The following NKAIN3 variants were observed in gnomAD, a reference collection of about 807,000 sequenced individuals.
The protein encoded by NKAIN3 is sodium/potassium-transporting ATPase subunit beta-1-interacting protein 3.
Under a neutral mutation model 30.2 loss-of-function variants are expected in NKAIN3, and 25 were observed. That is an observed-to-expected ratio of 0.83 (90% CI 0.60 to 1.16). NKAIN3 has a LOEUF of 1.16. Ranked by LOEUF, NKAIN3 falls within the 50% of genes most tolerant of loss-of-function variation. The probability of loss-of-function intolerance (pLI) is 0.00; values close to 1 mark genes in which losing one functional copy is unlikely to be tolerated. For synonymous variants in NKAIN3, 91 were observed against 89.6 expected (o/e 1.02, Z -0.09); for missense variants, 225 against 254.1 (o/e 0.89, Z 0.78).
At chr8:62,684,498 A>T (rs1381410511) in intron 3 of NKAIN3, among the ~76,000 whole-genome samples, 5 of 152,138 alleles carry the variant, frequency 3.3e-5, no homozygotes, top group African/African-American at 9.7e-5. Flanking sequence ...GACGAGAAGG[A>T]TGTAAAGCCA....
intron 1 of NKAIN3, among the ~76,000 whole-genome samples, chr8:62,294,921 A>G (rs1398727573): frequency 6.6e-6 from 1 of 152,156 alleles, no homozygotes; most frequent in Non-Finnish European, 1.5e-5. Context: ...TATCCTTTCC[A>G]GAAACATACA....
intron 4 of NKAIN3, among the ~76,000 whole-genome samples, chr8:62,781,255 TA>T (rs1817345159): frequency 6.6e-6 from 1 of 151,728 alleles, no homozygotes; most frequent in Non-Finnish European, 1.5e-5. Flanking sequence ...AGAAAAACTA[TA>T]AAACACTGAT....
chr8:62,483,097 G>A (rs760556846), intron 1 of NKAIN3: 1 of 152,164 alleles, frequency 6.6e-6, no homozygotes, highest in Non-Finnish European at 1.5e-5. Flanking sequence ...ATAAATTTGG[G>A]CAAGAAAAGA....
At chr8:62,607,901 C>T (rs545568587) in intron 3 of NKAIN3, among the ~76,000 whole-genome samples, 2 of 152,174 alleles carry the variant, frequency 1.3e-5, no homozygotes, top group South Asian at 4.1e-4. Flanking sequence ...GAAATGTATT[C>T]TCAATATTTA....
chr8:62,360,870 G>A (rs1036317388), intron 1 of NKAIN3, among the ~76,000 whole-genome samples: 2 of 152,114 alleles, frequency 1.3e-5, no homozygotes, highest in African/African-American at 4.8e-5. Flanking sequence ...TTCCCATTAT[G>A]TAATGACCTT....
In NKAIN3 at chr8:62,332,938, G is replaced by A. The variant is rs138890316; in HGVS notation, c.54+83811G>A. Among the ~76,000 whole-genome samples, 1,095 of 152,152 alleles carry A rather than the reference G, an allele frequency of 7.2e-3. 24 individuals are homozygous for A. Among genetic ancestry groups the A allele is most frequent in the African/African-American group, 0.025 (1,052 of 41,544 alleles). ...CTACTTGGGAGAATGAGGTTGCGGC[G>A]ACAGTGAGTTGTGTTTGTGCCACTG... On this transcript the variant is annotated intron_variant, in intron 1 of 6. Transcript: ENST00000623646.
intron 1 of NKAIN3, among the ~76,000 whole-genome samples, chr8:62,319,478 A>T (rs1392461412): frequency 6.6e-6 from 1 of 151,518 alleles, no homozygotes; most frequent in East Asian, 2.0e-4. Context: ...TAGTGCTATA[A>T]ATTTCCCTCT....
chr8:62,620,522 G>A (rs1009481149), intron 3 of NKAIN3, among the ~76,000 whole-genome samples: 4 of 152,030 alleles, frequency 2.6e-5, no homozygotes, highest in Non-Finnish European at 5.9e-5. Context: ...AGATGCAGGG[G>A]TAATTTCAAA....
chr8:62,799,429 C>G (rs538589460), intron 4 of NKAIN3, among the ~76,000 whole-genome samples: 1 of 152,094 alleles, frequency 6.6e-6, no homozygotes, highest in Admixed American at 6.6e-5. Context: ...AAATAGCCAA[C>G]AAGCATACGG....
intron 1 of NKAIN3, among the ~76,000 whole-genome samples, chr8:62,538,964 G>T (rs1378767889): frequency 1.3e-5 from 2 of 151,968 alleles, no homozygotes; most frequent in African/African-American, 4.8e-5. Flanking sequence ...TTGCCTGTTT[G>T]TTTATCTGCT....
intron 3 of NKAIN3, among the ~76,000 whole-genome samples, chr8:62,692,253 T>C (rs1814005242): frequency 6.6e-6 from 1 of 152,200 alleles, no homozygotes; most frequent in African/African-American, 2.4e-5. Context: ...TCTTCAAAGT[T>C]GTATTGTAAA....
rs577344468 is a variant in NKAIN3, at chr8:62,594,135, C to CA, written c.273+4349dup. 2.7e-3 allele frequency among the ~76,000 whole-genome samples: 401 copies of CA among 151,132 alleles called. 3 individuals are homozygous for CA. The highest frequency in any genetic ancestry group is 8.6e-3 in the African/African-American group (356 of 41,258). On this transcript the variant is annotated intron_variant, in intron 3 of 6. Coordinates refer to ENST00000623646, the MANE Select transcript of NKAIN3 (RefSeq NM_001304533.3). ...CCCTGCTTGGAGTTTTGCAGGACTTCAAAAAAAAGGTCAGGGTGGAGGTCC... is the reference window on the plus strand; with the variant it reads ...CCCTGCTTGGAGTTTTGCAGGACTTCAAAAAAAAAGGTCAGGGTGGAGGTCC...
chr8:62,678,163 G>A (rs1009166713), intron 3 of NKAIN3, among the ~76,000 whole-genome samples: 11 of 152,112 alleles, frequency 7.2e-5, no homozygotes, highest in Admixed American at 2.0e-4. Context: ...CCTAAAATAG[G>A]CAGATAGTGG....
At chr8:62,417,813 C>T (rs1804497965) in intron 1 of NKAIN3, among the ~76,000 whole-genome samples, 1 of 151,804 alleles carries the variant, frequency 6.6e-6, no homozygotes, top group African/African-American at 2.4e-5. Flanking sequence ...TATTTTTAAT[C>T]AGATTATTAG....
At chr8:62,848,700 C>G (rs562282108) in intron 4 of NKAIN3, among the ~76,000 whole-genome samples, 44 of 152,246 alleles carry the variant, frequency 2.9e-4, no homozygotes, top group Admixed American at 1.1e-3. Flanking sequence ...ACTTCCAATA[C>G]TATGTTGAAT....
At chr8:62,717,142 A>T (rs968783045) in intron 3 of NKAIN3, among the ~76,000 whole-genome samples, 10 of 152,218 alleles carry the variant, frequency 6.6e-5, no homozygotes, top group African/African-American at 2.4e-4. Flanking sequence ...AGCTGAAAAG[A>T]GTTTCATACC....
At position 62,347,465 on chromosome 8, in the gene NKAIN3, A is replaced by G. The variant is rs919927754; in HGVS notation, c.54+98338A>G. The stretch of plus-strand genomic sequence containing the variant: ...TTCTAAAGAGATTATCTAAGAATTG[A>G]TAGAAGAGTTTCAAAGGCGTATCTT... On this transcript the variant is annotated intron_variant, in intron 1 of 6. Transcript: ENST00000623646. Among the ~76,000 whole-genome samples the G allele has an allele frequency of 5.9e-5, 9 of 152,138 alleles. No individual in the cohort carries two copies. The South Asian group carries it at 1.9e-3, about 32-fold the overall frequency.
intron 1 of NKAIN3, among the ~76,000 whole-genome samples, chr8:62,378,166 C>T (rs1236396658): frequency 6.6e-6 from 1 of 152,164 alleles, no homozygotes; most frequent in Non-Finnish European, 1.5e-5. Context: ...GAGTAAAGGT[C>T]ACTCTTGCTA....
intron 4 of NKAIN3, chr8:62,863,074 A>G (rs905342924): frequency 2.7e-5 from 28 of 1,046,484 alleles, no homozygotes; most frequent in Non-Finnish European, 3.8e-5. Context: ...TCTGTATCAT[A>G]TATCTCTCAA....
Sources: allele counts gnomAD v4.1 joint callset (sites outside exome capture counted in the v4.1 genomes callset), GRCh38; gene constraint gnomAD v4.1.1; transcripts MANE v1.5; gene names NCBI Gene and HGNC (gene_info 2026-07-23, HGNC 2026-07-21).